Variants in HLCS observed in about 807,000 individuals in gnomAD.
HLCS encodes the protein holocarboxylase synthetase.
Under a neutral mutation model 75.0 loss-of-function variants are expected in HLCS, and 53 were observed. The observed-to-expected ratio is 0.71, with a 90% CI of 0.57 to 0.89. The LOEUF is 0.89. Ranked by LOEUF, HLCS falls within the 40% of genes least tolerant of loss-of-function variation. HLCS has a pLI of 0.00. For synonymous variants in HLCS, 431 were observed against 428.6 expected (o/e 1.01, Z -0.07); for missense variants, 966 against 1,074.0 (o/e 0.90, Z 1.41).
intron 8 of HLCS, among the ~76,000 whole-genome samples, chr21:36,762,183 A>G (rs890810738): frequency 5.3e-5 from 8 of 152,226 alleles, no homozygotes; most frequent in Non-Finnish European, 1.0e-4. Flanking sequence ...AGGTGCACAC[A>G]TCACTCCTCT....
At chr21:36,801,793 T>A (rs1422924298) in intron 6 of HLCS, among the ~76,000 whole-genome samples, 4 of 152,022 alleles carry the variant, frequency 2.6e-5, no homozygotes, top group African/African-American at 9.7e-5. Context: ...TTTTTTTTTT[T>A]TAAATTTTTT....
At chr21:36,754,749 T>TGTGCAC (rs2056617183) in intron 10 of HLCS, among the ~76,000 whole-genome samples, 4 of 152,216 alleles carry the variant, frequency 2.6e-5, no homozygotes, top group Non-Finnish European at 5.9e-5. Context: ...TGTGCAACTC[T>TGTGCAC]AGGTTTTTTG....
chr21:36,883,844 G>A (rs547660193), intron 6 of HLCS, among the ~76,000 whole-genome samples: 3 of 152,256 alleles, frequency 2.0e-5, no homozygotes, highest in African/African-American at 4.8e-5. Context: ...GCTGAACAAC[G>A]GATGAACAAA....
intron 6 of HLCS, among the ~76,000 whole-genome samples, chr21:36,844,382 G>C (rs539270415): frequency 6.6e-6 from 1 of 152,186 alleles, no homozygotes; most frequent in African/African-American, 2.4e-5. Context: ...GACAGGGAGG[G>C]AGTATATGGG....
intron 6 of HLCS, among the ~76,000 whole-genome samples, chr21:36,830,070 C>T (rs1230381589): frequency 2.6e-5 from 4 of 152,128 alleles, no homozygotes; most frequent in Non-Finnish European, 4.4e-5. Flanking sequence ...CAGTATGACT[C>T]GTGTCCTTGT....
chr21:36,924,807 C>T (rs1276045304), intron 5 of HLCS, among the ~76,000 whole-genome samples: 15 of 152,170 alleles, frequency 9.9e-5, no homozygotes, highest in African/African-American at 2.9e-4. Context: ...AGTAGGCACA[C>T]AGATGTTTGC....
intron 1 of HLCS, chr21:36,974,379 C>CT (rs2068881418): frequency 6.6e-6 from 1 of 152,302 alleles, no homozygotes; most frequent in South Asian, 2.1e-4. Context: ...AAGGGTGTGT[C>CT]TAAGACAAAC....
At chr21:36,823,798 G>A (rs1442983018) in intron 6 of HLCS, among the ~76,000 whole-genome samples, 3 of 152,084 alleles carry the variant, frequency 2.0e-5, no homozygotes, top group Admixed American at 6.6e-5. Flanking sequence ...CTCTGCATTA[G>A]AGCTACATGG....
intron 6 of HLCS, among the ~76,000 whole-genome samples, chr21:36,864,272 T>A (rs6517387): frequency 1.3e-5 from 2 of 151,610 alleles, no homozygotes; most frequent in African/African-American, 4.9e-5. Context: ...TGGTGGCGTG[T>A]GCCTGTAATT....
At chr21:36,915,120 C>T (rs974401714) in intron 5 of HLCS, among the ~76,000 whole-genome samples, 1 of 152,278 alleles carries the variant, frequency 6.6e-6, no homozygotes, top group African/African-American at 2.4e-5. Flanking sequence ...GCCAGCCCCA[C>T]CTGGGCTTCT....
At chr21:36,937,491 G>GAATGTAAGTCCCAGAAT in intron 3 of HLCS, 99 bp from the exon 4 acceptor site, 1 of 1,092,174 alleles carries the variant, frequency 9.2e-7, no homozygotes, top group Non-Finnish European at 1.4e-6. Context: ...CTGCATTCTG[G>GAATGTAAGTCCCAGAAT]GACTTACATT....
In HLCS at chr21:36,938,812, C is replaced by T. The variant is rs755450774; in HGVS notation, c.493+20G>A. ...AGCCACTATGCCTGGCCAATAAAAA[C>T]ATTTTCTAAAGTTACTTACACACAA... On this transcript the variant is annotated intron_variant, in intron 3 of 10. Transcript: ENST00000674895. 6.2e-7 allele frequency: 1 copy of T among 1,613,342 alleles called. No homozygotes were observed. The highest frequency in any genetic ancestry group is 2.2e-5 in the East Asian group (1 of 44,890).
In HLCS at chr21:36,936,496, C is replaced by A. The variant is rs144705277; in HGVS notation, c.1390G>T (p.Val464Leu). The A allele has an allele frequency of 6.9e-5, 112 of 1,614,244 alleles. No homozygotes were observed. The African/African-American group carries it at 1.4e-3, about 20-fold the overall frequency. The part of the protein sequence containing the change: ...LENEDKDRMI[V>L]HVPFGTRGGE... Reference sequence around the variant, plus strand: ...CCGCGAGTTCCAAAAGGCACATGCACAATCATCCTGTCCTTGTCCTCATTC... The same window carrying A: ...CCGCGAGTTCCAAAAGGCACATGCAAAATCATCCTGTCCTTGTCCTCATTC... The change falls in exon 4 of 11, where the codon GTG (valine) becomes TTG (leucine). Residue 464 changes from valine to leucine, a missense_variant. Transcript: ENST00000674895.
intron 6 of HLCS, among the ~76,000 whole-genome samples, chr21:36,779,677 A>G (rs2060469637): frequency 6.6e-6 from 1 of 151,362 alleles, no homozygotes; most frequent in African/African-American, 2.4e-5. Context: ...GTATAGATTC[A>G]AATATTGTAT....
At chr21:36,854,042 T>A (rs1420186229) in intron 6 of HLCS, among the ~76,000 whole-genome samples, 3 of 152,214 alleles carry the variant, frequency 2.0e-5, no homozygotes, top group Non-Finnish European at 4.4e-5. Context: ...TGTGAAATTT[T>A]GACTATTAAA....
rs1304768663 is a variant in HLCS at position 36,755,396 on chromosome 21, T to TA, written c.2451-980dup. On this transcript the variant is annotated intron_variant, in intron 10 of 10. Coordinates refer to ENST00000674895, the MANE Select transcript of HLCS (RefSeq NM_001352514.2). ...TCCAGTGACAGAGCAAGACCCTCTC[T>TA]AAAAAAAAAAAAAGTGAAAATAAAA... 7.5e-3 allele frequency among the ~76,000 whole-genome samples: 1,048 copies of TA among 138,926 alleles called. 15 individuals carry two copies. The highest frequency in any genetic ancestry group is 0.02 in the African/African-American group (779 of 38,256). The allele number at this position is 138,926 out of a possible 152,430, so 91.1% of individuals were successfully genotyped here.
chr21:36,767,377 C>T, intron 6 of HLCS, 92 bp from the exon 7 acceptor site: 1 of 1,284,900 alleles, frequency 7.8e-7, no homozygotes, highest in Non-Finnish European at 1.1e-6. Context: ...TTGCATGCAT[C>T]TGGGGGTGTG....
intron 2 of HLCS, among the ~76,000 whole-genome samples, chr21:36,956,446 A>G (rs2032086): frequency 0.31 from 47,541 of 152,176 alleles, 9,298 homozygotes; most frequent in South Asian, 0.48. Context: ...TTGAGTTTGT[A>G]GGCCAGGTGT....
At chr21:36,883,871 A>G (rs904469434) in intron 6 of HLCS, among the ~76,000 whole-genome samples, 1 of 152,176 alleles carries the variant, frequency 6.6e-6, no homozygotes, top group African/African-American at 2.4e-5. Flanking sequence ...CAGACACAAG[A>G]ATCCAGTGAA....
Sources: gnomAD v4.1 joint callset for allele counts (sites outside exome capture counted in the v4.1 genomes callset) on GRCh38, gnomAD v4.1.1 for gene constraint, MANE v1.5 for transcripts, NCBI Gene and HGNC (gene_info 2026-07-23, HGNC 2026-07-21) for gene names.